Variants in PISD observed in about 807,000 individuals in gnomAD.
The protein encoded by PISD is phosphatidylserine decarboxylase proenzyme, mitochondrial.
PISD carries 31 observed loss-of-function variants against 43.5 expected under a neutral mutation model. The observed-to-expected ratio is 0.71, with a 90% CI of 0.54 to 0.96. PISD has a LOEUF of 0.96. PISD is among the 40% of genes least tolerant of loss of function. The pLI, the probability that PISD is intolerant of heterozygous loss-of-function variation, is 0.00. For synonymous variants in PISD, 259 were observed against 228.7 expected, an observed-to-expected ratio of 1.13 and a Z score of -1.20; for missense variants, 523 against 548.4, an observed-to-expected ratio of 0.95 and a Z score of 0.46.
At chr22:31,654,465 GC>G (rs1414198838) in intron 1 of PISD, among the ~76,000 whole-genome samples, 2 of 152,036 alleles carry the variant, frequency 1.3e-5, no homozygotes, top group Admixed American at 1.3e-4. Context: ...CTACCCAATG[GC>G]CCCATTTTGA....
chr22:31,620,777 C>T, intron 6 of PISD, 64 bp from the exon 7 acceptor site: 2 of 1,590,172 alleles, frequency 1.3e-6, no homozygotes, highest in South Asian at 2.2e-5. Context: ...CCATGGCAGC[C>T]AAGACCCAAA....
intron 2 of PISD, 88 bp downstream of exon 2, chr22:31,650,611 T>C (rs2074005311): frequency 1.4e-6 from 1 of 708,932 alleles, no homozygotes; most frequent in Non-Finnish European, 2.4e-6. Context: ...CTCATTTAAC[T>C]CTAACAACAA....
At position 31,621,654 on chromosome 22, in the gene PISD, T is replaced by C; in HGVS notation, c.553A>G (p.Ser185Gly). 1.1e-5 allele frequency: 18 copies of C among 1,613,378 alleles called. No individual in the cohort carries two copies. The highest frequency in any genetic ancestry group is 1.4e-5 in the Non-Finnish European group (16 of 1,179,642). Reference sequence around the variant, plus strand: ...AGGAAAGGGTCAGGCCTCACCACGCTGTGCAGGCCACAGACAGGCCGGGCC... The same window carrying C: ...AGGAAAGGGTCAGGCCTCACCACGCCGTGCAGGCCACAGACAGGCCGGGCC... ...PQARPVCGLH[S>G]VISPSDGRIL... The change falls in exon 4 of 8, where the codon AGC becomes GGC. Residue 185 changes from serine to glycine, a missense_variant. Physicochemically the swap from Ser to Gly is moderately conservative, Grantham distance 56. Transcript: ENST00000439502.
At chr22:31,626,546 C>T (rs933240485) in intron 3 of PISD, among the ~76,000 whole-genome samples, 1 of 152,114 alleles carries the variant, frequency 6.6e-6, no homozygotes, top group African/African-American at 2.4e-5. Flanking sequence ...AACACACACA[C>T]AAAATACCCA....
At chr22:31,643,789 C>G (rs748660229) in intron 3 of PISD, among the ~76,000 whole-genome samples, 2 of 152,158 alleles carry the variant, frequency 1.3e-5, no homozygotes, top group Non-Finnish European at 2.9e-5. Context: ...TGGCTCATGC[C>G]TGTAATCCCA....
At chr22:31,642,026 G>A (rs984400650) in intron 3 of PISD, among the ~76,000 whole-genome samples, 4 of 151,004 alleles carry the variant, frequency 2.6e-5, no homozygotes, top group Non-Finnish European at 5.9e-5. Context: ...TTCATCATGA[G>A]GAAAAGGCTT....
intron 3 of PISD, among the ~76,000 whole-genome samples, chr22:31,635,968 A>G (rs2147723549): frequency 6.6e-6 from 1 of 152,362 alleles, no homozygotes; most frequent in African/African-American, 2.4e-5. Flanking sequence ...AGGTATTTAC[A>G]TACACATCAC....
At chr22:31,644,621 C>T (rs1033601674) in intron 3 of PISD, among the ~76,000 whole-genome samples, 2 of 152,200 alleles carry the variant, frequency 1.3e-5, no homozygotes, top group Non-Finnish European at 1.5e-5. Context: ...TTTGTGATGA[C>T]AGTGATTAGG....
At chr22:31,637,198 T>G (rs1283112238) in intron 3 of PISD, among the ~76,000 whole-genome samples, 9 of 88,566 alleles carry the variant, frequency 1.0e-4, no homozygotes, top group South Asian at 4.0e-4. Flanking sequence ...TATATATATA[T>G]ATATATATAG....
chr22:31,641,101 G>C (rs1162145477), intron 3 of PISD, among the ~76,000 whole-genome samples: 1 of 151,288 alleles, frequency 6.6e-6, no homozygotes, highest in Non-Finnish European at 1.5e-5. Context: ...TGGTCGGGCT[G>C]GTCTTAACTC....
At chr22:31,662,288 G>T (rs932878631), upstream of PISD, 3 of 1,408,752 alleles carry the variant, frequency 2.1e-6, no homozygotes, top group Admixed American at 5.0e-5. Flanking sequence ...CTCGAGTTCA[G>T]TGGGCCAATG....
rs751574645 is a variant in PISD at position 31,619,595 on chromosome 22, T to TAATC, written c.*13_*16dup. 3 of 1,597,788 alleles carry TAATC rather than the reference T, an allele frequency of 1.9e-6. No homozygotes were observed. In the African/African-American group the frequency reaches 4.0e-5, roughly 21 times the overall value. The stretch of plus-strand genomic sequence containing the variant: ...TTTGGAAAAGATCCCTTAGCAGCCA[T>TAATC]AATCAGGAAAGAGACTCTAGAGCGA... On this transcript the variant is annotated 3_prime_UTR_variant, in exon 8 of 8. Coordinates refer to ENST00000439502, the MANE Select transcript of PISD (RefSeq NM_001326411.2).
At chr22:31,625,471 G>A (rs1034861252) in intron 3 of PISD, 6 of 544,204 alleles carry the variant, frequency 1.1e-5, no homozygotes, top group Middle Eastern at 4.9e-4. Context: ...TCTGGGCTGC[G>A]AGCAGGGGGC....
In PISD at chr22:31,653,038, TAAA is replaced by T. The variant is rs36011234; in HGVS notation, c.66-2263_66-2261del. On this transcript the variant is annotated intron_variant, in intron 1 of 7. Coordinates refer to ENST00000439502, the MANE Select transcript of PISD (RefSeq NM_001326411.2). ...TGGGTGACAGAGTAGGACCCTACCT[TAAA>T]AAAAAAAAAAAAAAAAAACCACACC... is the stretch of plus-strand genomic sequence containing the variant. 4.4e-4 allele frequency among the ~76,000 whole-genome samples: 50 copies of T among 114,386 alleles called. 1 individual carries two copies. Among genetic ancestry groups the T allele is most frequent in the South Asian group, 2.3e-3 (7 of 3,062 alleles). 75.0% of individuals were successfully genotyped at this position (114,386 alleles called of 152,430 possible).
chr22:31,657,259 C>A (rs544399679), intron 1 of PISD, among the ~76,000 whole-genome samples: 1 of 151,824 alleles, frequency 6.6e-6, no homozygotes, highest in Non-Finnish European at 1.5e-5. Context: ...CCTCAGCCTC[C>A]CGAGTAGCTG....
intron 2 of PISD, among the ~76,000 whole-genome samples, 188 bp downstream of exon 2, chr22:31,650,511 A>G (rs2074001688): frequency 6.6e-6 from 1 of 150,946 alleles, no homozygotes; most frequent in African/African-American, 2.5e-5. Context: ...CCTGGGCGAC[A>G]GAGCAAGACT....
At chr22:31,624,652 C>T (rs1474099367) in intron 3 of PISD, among the ~76,000 whole-genome samples, 2 of 139,918 alleles carry the variant, frequency 1.4e-5, no homozygotes, top group Admixed American at 1.4e-4. Context: ...GCTGCACAGA[C>T]AGACACACAC....
chr22:31,621,938 G>C, intron 3 of PISD, 53 bp from the exon 4 acceptor site: 2 of 1,354,876 alleles, frequency 1.5e-6, no homozygotes, highest in Non-Finnish European at 2.1e-6. Context: ...CAGCTCCAGA[G>C]AGCCCAAGTA....
intron 2 of PISD, among the ~76,000 whole-genome samples, chr22:31,649,135 G>T (rs1351386535): frequency 6.6e-6 from 1 of 152,124 alleles, no homozygotes; most frequent in African/African-American, 2.4e-5. Flanking sequence ...TGGGAGGATT[G>T]CTTGAACCCA....
Sources: gnomAD v4.1 joint callset for allele counts (sites outside exome capture counted in the v4.1 genomes callset) on GRCh38, gnomAD v4.1.1 for gene constraint, MANE v1.5 for transcripts, NCBI Gene and HGNC (gene_info 2026-07-23, HGNC 2026-07-21) for gene names.